Variants in RAB38 observed in about 807,000 individuals in gnomAD.
The protein encoded by RAB38 is RAB38, member RAS oncogene family, also known as ras-related protein Rab-38.
In RAB38, 15 loss-of-function variants were observed where a neutral mutation model predicts 18.4. The ratio of observed to expected loss-of-function variants is 0.82; its 90% CI spans 0.55 to 1.26. RAB38 has a LOEUF of 1.26. Ranked by LOEUF, RAB38 falls within the 50% of genes most tolerant of loss-of-function variation. RAB38 has a pLI of 0.00. For synonymous variants in RAB38, 101 were observed against 104.4 expected (o/e 0.97, Z 0.20); for missense variants, 294 against 267.4 (o/e 1.10, Z -0.69).
the RAB38 span, among the ~76,000 whole-genome samples, chr11:88,034,469 G>T: frequency 6.6e-6 from 1 of 152,202 alleles, no homozygotes; most frequent in Non-Finnish European, 1.5e-5. Flanking sequence ...ATTCCCAACA[G>T]CAATGTTTGA....
the RAB38 span, among the ~76,000 whole-genome samples, chr11:87,907,716 T>A: frequency 1.3e-5 from 2 of 151,638 alleles, no homozygotes; most frequent in Non-Finnish European, 3.0e-5. Flanking sequence ...TCTGGTTTTT[T>A]TAAAAATAAA....
the RAB38 span, among the ~76,000 whole-genome samples, chr11:88,006,363 G>C: frequency 6.6e-6 from 1 of 151,158 alleles, no homozygotes; most frequent in Non-Finnish European, 1.5e-5. Context: ...AAAACAGTAT[G>C]GAGTTTCTTC....
the RAB38 span, among the ~76,000 whole-genome samples, chr11:88,017,172 G>T: frequency 1.3e-5 from 2 of 152,040 alleles, no homozygotes; most frequent in Non-Finnish European, 2.9e-5. Flanking sequence ...GGACATGAGA[G>T]AGGAAAGGTC....
At chr11:88,167,924 T>A (rs1318352616) in intron 1 of RAB38, among the ~76,000 whole-genome samples, 1 of 152,118 alleles carries the variant, frequency 6.6e-6, no homozygotes, top group Non-Finnish European at 1.5e-5. Flanking sequence ...CATCCCAGAA[T>A]CTAAGAAAGT....
the RAB38 span, among the ~76,000 whole-genome samples, chr11:88,053,882 T>C: frequency 6.6e-6 from 1 of 152,044 alleles, no homozygotes; most frequent in Non-Finnish European, 1.5e-5. Context: ...AAAGGCATTC[T>C]TACTTATGTC....
the RAB38 span, among the ~76,000 whole-genome samples, chr11:87,930,470 T>G: frequency 1.3e-5 from 2 of 152,200 alleles, no homozygotes; most frequent in Non-Finnish European, 2.9e-5. Context: ...TATTAGCCCT[T>G]TGTCAGATGA....
At chr11:88,145,416 AGATTACAGCCGT>A in intron 2 of RAB38, among the ~76,000 whole-genome samples, 1 of 151,966 alleles carries the variant, frequency 6.6e-6, no homozygotes, top group South Asian at 2.1e-4. Flanking sequence ...CAAAGTGCTG[AGATTACAGCCGT>A]GAGCCACCGC....
the RAB38 span, among the ~76,000 whole-genome samples, chr11:88,069,451 C>A: frequency 2.6e-5 from 4 of 152,228 alleles, no homozygotes; most frequent in East Asian, 7.7e-4. Flanking sequence ...ACATGACTGG[C>A]GGGCAGCTCC....
At chr11:87,901,267 C>A in the RAB38 span, among the ~76,000 whole-genome samples, 5 of 151,506 alleles carry the variant, frequency 3.3e-5, no homozygotes, top group Non-Finnish European at 7.4e-5. Flanking sequence ...TCTTCTGTAT[C>A]TGTGTTTCCC....
the RAB38 span, among the ~76,000 whole-genome samples, chr11:88,017,518 GTTC>G: frequency 1.3e-5 from 2 of 151,216 alleles, no homozygotes; most frequent in Non-Finnish European, 2.9e-5. Context: ...TCTGTCTCTA[GTTC>G]TTTTCTTATT....
chr11:87,889,448 A>T, the RAB38 span, among the ~76,000 whole-genome samples: 7 of 151,924 alleles, frequency 4.6e-5, no homozygotes, highest in African/African-American at 1.7e-4. Context: ...TGTTGGCTGG[A>T]CTACTTTTTC....
chr11:87,907,821 T>G, the RAB38 span, among the ~76,000 whole-genome samples: 1 of 151,840 alleles, frequency 6.6e-6, no homozygotes, highest in African/African-American at 2.4e-5. Context: ...ACATGTGATA[T>G]TTCTCTTTTG....
At chr11:87,929,130 A>T in the RAB38 span, among the ~76,000 whole-genome samples, 3 of 152,024 alleles carry the variant, frequency 2.0e-5, no homozygotes, top group African/African-American at 7.2e-5. Context: ...AAACAAGAAA[A>T]AAAGTAAAAG....
the RAB38 span, among the ~76,000 whole-genome samples, chr11:87,886,389 C>G: frequency 2.0e-5 from 3 of 152,014 alleles, no homozygotes; most frequent in East Asian, 3.9e-4. Context: ...ATTCCAGTCT[C>G]TCCCCTGGTG....
At chr11:88,003,688 ATT>A in the RAB38 span, among the ~76,000 whole-genome samples, 1,102 of 6,064 alleles carry the variant, frequency 0.18, 472 homozygotes, top group South Asian at 0.25. Flanking sequence ...TATTATATAT[ATT>A]ATATATAATA....
the RAB38 span, among the ~76,000 whole-genome samples, chr11:87,823,105 AAG>A: frequency 0.058 from 8,817 of 152,234 alleles, 360 homozygotes; most frequent in Non-Finnish European, 0.083. Flanking sequence ...TTATAGACAA[AAG>A]AGTTAATAGA....
At chr11:87,976,180 ATAGGTATATT>A in the RAB38 span, among the ~76,000 whole-genome samples, 3 of 147,736 alleles carry the variant, frequency 2.0e-5, no homozygotes, top group Admixed American at 1.4e-4. Context: ...ATAGGTATAT[ATAGGTATATT>A]TATATATACT....
the RAB38 span, among the ~76,000 whole-genome samples, chr11:88,030,991 C>A: frequency 6.6e-6 from 1 of 150,874 alleles, no homozygotes; most frequent in East Asian, 1.9e-4. Context: ...AAAATACTGG[C>A]AAACCGAATC....
the RAB38 span, among the ~76,000 whole-genome samples, chr11:88,054,738 A>C: frequency 1.3e-5 from 2 of 152,258 alleles, no homozygotes; most frequent in East Asian, 3.8e-4. Context: ...ACATCTGAGC[A>C]CAAAGATATA....
Sources: allele counts gnomAD v4.1 joint callset (sites outside exome capture counted in the v4.1 genomes callset), GRCh38; gene constraint gnomAD v4.1.1; transcripts MANE v1.5; gene names NCBI Gene and HGNC (gene_info 2026-07-23, HGNC 2026-07-21).